Variants in ARID1A observed in about 807,000 individuals in gnomAD.
ARID1A encodes AT-rich interactive domain-containing protein 1A.
Under a neutral mutation model 212.6 loss-of-function variants are expected in ARID1A, and 20 were observed. That is an observed-to-expected ratio of 0.09 (90% CI 0.07 to 0.14). ARID1A has a LOEUF of 0.14. Ranked by LOEUF, ARID1A falls within the 10% of genes least tolerant of loss-of-function variation. The pLI is 1.00. For synonymous variants in ARID1A, 1,376 were observed against 1,222.1 expected (o/e 1.13, Z -2.63); for missense variants, 2,587 against 3,059.0 (o/e 0.85, Z 3.64).
At chr1:26,772,357 G>C in intron 12 of ARID1A, 143 bp from the exon 13 acceptor site, 3 of 1,231,208 alleles carry the variant, frequency 2.4e-6, no homozygotes, top group Non-Finnish European at 3.4e-6. Context: ...TGGCCTTGTA[G>C]ATCCTCTGCT....
chr1:26,744,132 T>C (rs60348497), intron 4 of ARID1A, among the ~76,000 whole-genome samples: 12,992 of 152,212 alleles, frequency 0.085, 722 homozygotes, highest in African/African-American at 0.15. Flanking sequence ...ACCCTGTGCA[T>C]GTAGCCATCC....
At chr1:26,728,897 A>G (rs1288125791) in intron 1 of ARID1A, 1 of 152,220 alleles carries the variant, frequency 6.6e-6, no homozygotes, top group Admixed American at 6.5e-5. Context: ...AAGCTGTTGC[A>G]TCAAATACCT....
intron 1 of ARID1A, among the ~76,000 whole-genome samples, chr1:26,707,034 T>C (rs1184645435): frequency 7.2e-6 from 1 of 138,852 alleles, no homozygotes; most frequent in Non-Finnish European, 1.6e-5. Flanking sequence ...GGATCCTGAC[T>C]TTTTTTTTTT....
intron 1 of ARID1A, among the ~76,000 whole-genome samples, chr1:26,700,214 C>A (rs2080319236): frequency 6.6e-6 from 1 of 152,208 alleles, no homozygotes; most frequent in Non-Finnish European, 1.5e-5. Context: ...ACTTGATAAA[C>A]CTCTTTTCAG....
At chr1:26,742,409 G>A (rs1474382073) in intron 4 of ARID1A, among the ~76,000 whole-genome samples, 1 of 152,166 alleles carries the variant, frequency 6.6e-6, no homozygotes, top group Admixed American at 6.5e-5. Flanking sequence ...TGTGTGGGAT[G>A]AGAGCAAGCC....
intron 19 of ARID1A, among the ~76,000 whole-genome samples, chr1:26,777,587 T>C (rs2081148486): frequency 6.6e-6 from 1 of 152,064 alleles, no homozygotes; most frequent in Admixed American, 6.5e-5. Context: ...TTGCCCAGGC[T>C]GGTCTCAAAC....
intron 19 of ARID1A, chr1:26,778,810 T>G (rs2124135488): frequency 2.3e-6 from 1 of 443,162 alleles, no homozygotes; most frequent in East Asian, 3.2e-5. Context: ...GGAGATAGGC[T>G]TACGTGAAGG....
In ARID1A at chr1:26,763,203, T is replaced by C. The variant is rs750121843; in HGVS notation, c.2650T>C (p.Cys884Arg). Residue 884 changes from cysteine to arginine, a missense_variant, in exon 8 of 20, where the codon TGT becomes CGT. Coordinates refer to ENST00000324856, the MANE Select transcript of ARID1A (RefSeq NM_006015.6). ...GCCACCTCAGGTTGGGTCAGGGATG[T>C]GTCCCCCACCAGGGGGCATGAACCG... ...NMPPQVGSGM[C>R]PPPGGMNRKT... is the part of the protein sequence containing the mutation. The C allele has an allele frequency of 2.5e-6, 4 of 1,614,120 alleles. No individual in the cohort carries two copies. The highest frequency in any genetic ancestry group is 3.4e-6 in the Non-Finnish European group (4 of 1,180,024).
chr1:26,705,301 C>T (rs2080378719), intron 1 of ARID1A, among the ~76,000 whole-genome samples: 1 of 152,216 alleles, frequency 6.6e-6, no homozygotes, highest in Middle Eastern at 3.4e-3. Flanking sequence ...CCATGCCCGG[C>T]TAATTTTTGT....
chr1:26,732,807 A>AC lies in ARID1A; in HGVS notation c.1920+17dup. On this transcript the variant is annotated intron_variant, in intron 4 of 19. Transcript: ENST00000324856. ...CCAGCTTGCCTGTGAGTATTTCTGCACCTTCTGAAAGGTGATAGGGGCAGA... is the reference window on the plus strand; with the variant it reads ...CCAGCTTGCCTGTGAGTATTTCTGCACCCTTCTGAAAGGTGATAGGGGCAGA... 1 of 1,597,074 alleles carries AC rather than the reference A, an allele frequency of 6.3e-7. No homozygotes were observed. Among genetic ancestry groups the AC allele is most frequent in the Non-Finnish European group, 8.6e-7 (1 of 1,164,752 alleles).
intron 4 of ARID1A, among the ~76,000 whole-genome samples, chr1:26,756,429 G>A (rs965536888): frequency 6.6e-6 from 1 of 151,850 alleles, no homozygotes; most frequent in Non-Finnish European, 1.5e-5. Flanking sequence ...GGTGGTGCAC[G>A]CCTGTAATCC....
At position 26,761,265 on chromosome 1, in the gene ARID1A, G is replaced by T; in HGVS notation, c.2162-119G>T. On this transcript the variant is annotated intron_variant, in intron 5 of 19. Coordinates refer to ENST00000324856, the MANE Select transcript of ARID1A (RefSeq NM_006015.6). Reference sequence around the variant, plus strand: ...GAACCTGTTGGCTGGATCTCTTTGTGTGTGATACTGGGAGGTACTTGGCCT... The same window carrying T: ...GAACCTGTTGGCTGGATCTCTTTGTTTGTGATACTGGGAGGTACTTGGCCT... 3 of 1,451,440 alleles carry T rather than the reference G, an allele frequency of 2.1e-6. No homozygotes were observed. The South Asian group carries it at 3.9e-5, about 19-fold the overall frequency. 89.9% of individuals were successfully genotyped at this position (1,451,440 alleles called of 1,614,324 possible).
At chr1:26,715,823 T>C (rs1433478241) in intron 1 of ARID1A, among the ~76,000 whole-genome samples, 4 of 151,248 alleles carry the variant, frequency 2.6e-5, no homozygotes, top group Non-Finnish European at 5.9e-5. Flanking sequence ...GCCTGGGCAA[T>C]GTAGGGAGAC....
chr1:26,754,059 G>T (rs559903250), intron 4 of ARID1A, among the ~76,000 whole-genome samples: 1 of 151,966 alleles, frequency 6.6e-6, no homozygotes, highest in African/African-American at 2.4e-5. Context: ...TGCCTGCCTC[G>T]GCCTCCCAAA....
chr1:26,741,335 T>G (rs1271439536), intron 4 of ARID1A, among the ~76,000 whole-genome samples: 6 of 152,168 alleles, frequency 3.9e-5, no homozygotes, highest in Non-Finnish European at 8.8e-5. Context: ...TTGGGATCCT[T>G]TTTAGATAAG....
At chr1:26,712,454 A>T (rs747854763) in intron 1 of ARID1A, among the ~76,000 whole-genome samples, 1 of 151,714 alleles carries the variant, frequency 6.6e-6, no homozygotes, top group Non-Finnish European at 1.5e-5. Flanking sequence ...TGAGGCTGAG[A>T]TGAGAAGATT....
At chr1:26,734,852 G>T (rs897289705) in intron 4 of ARID1A, among the ~76,000 whole-genome samples, 1 of 152,136 alleles carries the variant, frequency 6.6e-6, no homozygotes, top group Non-Finnish European at 1.5e-5. Context: ...TGTTTATGAG[G>T]TACCTATTGG....
chr1:26,727,854 A>C (rs1434138966), intron 1 of ARID1A: 8 of 152,224 alleles, frequency 5.3e-5, no homozygotes, highest in Admixed American at 5.2e-4. Context: ...TCAGTGTGAT[A>C]TGTGGCATGA....
intron 1 of ARID1A, among the ~76,000 whole-genome samples, chr1:26,702,335 C>T (rs1021015551): frequency 1.3e-5 from 2 of 152,192 alleles, no homozygotes; most frequent in African/African-American, 4.8e-5. Context: ...TCCAGCACAC[C>T]TGAATTTCCA....
Sources: allele counts gnomAD v4.1 joint callset (sites outside exome capture counted in the v4.1 genomes callset), GRCh38; gene constraint gnomAD v4.1.1; transcripts MANE v1.5; gene names NCBI Gene and HGNC (gene_info 2026-07-23, HGNC 2026-07-21).